The following SATL1 variants were observed in gnomAD, a reference collection of about 807,000 sequenced individuals.
The protein encoded by SATL1 is spermidine/spermine N(1)-acetyltransferase-like protein 1.
SATL1 carries 47 observed loss-of-function variants against 51.8 expected under a neutral mutation model. That is an observed-to-expected ratio of 0.91 (90% confidence interval 0.72 to 1.16). SATL1 has a LOEUF of 1.16. Ranked by LOEUF, SATL1 falls within the 50% of genes most tolerant of loss-of-function variation. The pLI is 0.00. For synonymous variants in SATL1, 176 were observed against 182.4 expected (o/e 0.97, Z 0.28); for missense variants, 520 against 526.4 (o/e 0.99, Z 0.12).
Position 85,177,341 on chromosome X carries a change from C to T in SATL1, c.-313+46864G>A, listed in dbSNP as rs749569341. 1.9e-3 allele frequency among the ~76,000 whole-genome samples: 216 copies of T among 111,918 alleles called. 2 individuals are homozygous for T. Among genetic ancestry groups the T allele is most frequent in the Non-Finnish European group, 2.9e-3 (154 of 53,000 alleles). On this transcript the variant is annotated intron_variant, in intron 2 of 7. Coordinates refer to ENST00000644105, the MANE Select transcript of SATL1 (RefSeq NM_001367857.2). ...GCTGAGTCAAAGTAATATGAGAACTCACTGTACTATTTTTGCAACTTTTTT... is the reference window on the plus strand; with the variant it reads ...GCTGAGTCAAAGTAATATGAGAACTTACTGTACTATTTTTGCAACTTTTTT...
chrX:85,227,508 A>G (rs1267140613), intron 1 of SATL1, among the ~76,000 whole-genome samples: 4 of 112,136 alleles, frequency 3.6e-5, no homozygotes, highest in Non-Finnish European at 7.5e-5. Context: ...GTGCCTCTTG[A>G]TAGAAGTATA....
At chrX:85,177,332 A>G (rs1359682778) in intron 2 of SATL1, among the ~76,000 whole-genome samples, 2 of 112,105 alleles carry the variant, frequency 1.8e-5, no homozygotes, top group African/African-American at 6.5e-5. Flanking sequence ...TCAAAGTAAT[A>G]TGAGAACTCA....
chrX:85,178,611 CAA>C (rs60561678), intron 2 of SATL1, among the ~76,000 whole-genome samples: 3,864 of 50,221 alleles, frequency 0.077, 180 homozygotes, highest in African/African-American at 0.16. Flanking sequence ...ACAAAATGCT[CAA>C]AAAAAAAAAA....
chrX:85,176,143 A>G (rs1265334894), intron 2 of SATL1, among the ~76,000 whole-genome samples: 1 of 112,040 alleles, frequency 8.9e-6, no homozygotes, highest in African/African-American at 3.2e-5. Context: ...GGAAACTCAA[A>G]TGGATCTTAT....
chrX:85,183,841 T>C (rs1927258618), intron 2 of SATL1, among the ~76,000 whole-genome samples: 1 of 111,449 alleles, frequency 9.0e-6, no homozygotes, highest in Non-Finnish European at 1.9e-5. Flanking sequence ...TAAGTTATTG[T>C]TGACTGTAGC....
intron 4 of SATL1, among the ~76,000 whole-genome samples, chrX:85,101,616 T>C (rs900494835): frequency 1.6e-4 from 18 of 111,594 alleles, no homozygotes; most frequent in Admixed American, 5.7e-4. Context: ...TGGAAAACAG[T>C]ATGGAAGCTC....
intron 2 of SATL1, among the ~76,000 whole-genome samples, chrX:85,130,117 T>A (rs67829114): frequency 0.14 from 16,105 of 111,130 alleles, 1,268 homozygotes; most frequent in African/African-American, 0.29. Flanking sequence ...CTTTTTTTGT[T>A]GTATCTCTGC....
intron 2 of SATL1, among the ~76,000 whole-genome samples, chrX:85,215,874 A>G (rs982421869): frequency 3.6e-5 from 4 of 112,493 alleles, no homozygotes; most frequent in African/African-American, 1.3e-4. Flanking sequence ...ACTTCTGCCC[A>G]TTAGCCAGTT....
chrX:85,113,753 T>C (rs1363868586), intron 2 of SATL1, among the ~76,000 whole-genome samples: 43 of 112,238 alleles, frequency 3.8e-4, no homozygotes, highest in Admixed American at 3.8e-3. Flanking sequence ...CCTTTTAAAA[T>C]TGGCTTTGAT....
intron 2 of SATL1, among the ~76,000 whole-genome samples, chrX:85,138,233 A>C: frequency 8.9e-6 from 1 of 111,886 alleles, no homozygotes; most frequent in Non-Finnish European, 1.9e-5. Context: ...TATCAGATAA[A>C]AGGAGTGTGA....
Position 85,093,186 on chromosome X carries a change from T to A in SATL1, c.1916A>T (p.Gln639Leu). ...IGAEMLKRLS[Q>L]IAITTQCNCM... ...ATCAATACTAATTGTAATACATACC[T>A]GACTTAGCCTCTTCAGCATTTCAGC... Residue 639 changes from glutamine to leucine, a missense_variant and splice_region_variant, in exon 7 of 8, where the codon CAG becomes CTG. This residue lies in a region of SATL1 where 488 missense variants were observed against 474.3 expected (regional missense o/e 1.03). Coordinates refer to ENST00000644105, the MANE Select transcript of SATL1 (RefSeq NM_001367857.2). 8.6e-7 allele frequency: 1 copy of A among 1,162,551 alleles called. No individual in the cohort carries two copies. The highest frequency in any genetic ancestry group is 3.3e-5 in the East Asian group (1 of 30,654).
chrX:85,208,482 T>G (rs1434380331), intron 2 of SATL1, among the ~76,000 whole-genome samples: 1 of 111,811 alleles, frequency 8.9e-6, no homozygotes, highest in South Asian at 3.8e-4. Flanking sequence ...CCACACTGTC[T>G]TCCACAATGG....
At chrX:85,175,509 G>A (rs1189334573) in intron 2 of SATL1, among the ~76,000 whole-genome samples, 3 of 111,009 alleles carry the variant, frequency 2.7e-5, no homozygotes, top group South Asian at 7.6e-4. Context: ...AAGACATGAG[G>A]AAACTGTAAT....
intron 2 of SATL1, among the ~76,000 whole-genome samples, chrX:85,123,304 C>T (rs1009999987): frequency 6.3e-5 from 7 of 111,328 alleles, no homozygotes; most frequent in African/African-American, 2.3e-4. Context: ...TCCTTTCCCC[C>T]ACAACCTCAC....
In SATL1 at chrX:85,107,651, C is replaced by T; in HGVS notation, c.1318G>A (p.Gly440Ser). ...TGGCTCATGCCTGGTTGCCACATGC[C>T]TCGTTGCCACATGCCTGGTGGACTC... ...NKSPPGMWQR[G>S]MWQPGMSQQV... The change falls in exon 3 of 8, where the codon GGC becomes AGC. Residue 440 changes from glycine to serine, a missense_variant. This residue lies in a region of SATL1 where 488 missense variants were observed against 474.3 expected (regional missense o/e 1.03). Coordinates refer to ENST00000644105, the MANE Select transcript of SATL1 (RefSeq NM_001367857.2). The T allele has an allele frequency of 8.3e-7, 1 of 1,211,803 alleles. No homozygotes were observed. The highest frequency in any genetic ancestry group is 1.1e-6 in the Non-Finnish European group (1 of 895,570).
At chrX:85,123,592 A>G (rs911911744) in intron 2 of SATL1, among the ~76,000 whole-genome samples, 1 of 111,419 alleles carries the variant, frequency 9.0e-6, no homozygotes, top group Non-Finnish European at 1.9e-5. Flanking sequence ...TAGTTTGCAA[A>G]TATTTTCTCC....
intron 2 of SATL1, among the ~76,000 whole-genome samples, chrX:85,155,405 T>C (rs1165211176): frequency 9.0e-6 from 1 of 111,325 alleles, no homozygotes; most frequent in Non-Finnish European, 1.9e-5. Flanking sequence ...TAGCCCCTAT[T>C]TCCTCCTTTA....
intron 2 of SATL1, among the ~76,000 whole-genome samples, chrX:85,170,178 T>C (rs1252765149): frequency 9.0e-6 from 1 of 111,143 alleles, no homozygotes; most frequent in Non-Finnish European, 1.9e-5. Flanking sequence ...TAACGGGTAC[T>C]AGGCTTAATA....
chrX:85,154,184 C>T (rs780828576), intron 2 of SATL1, among the ~76,000 whole-genome samples: 9 of 111,455 alleles, frequency 8.1e-5, no homozygotes, highest in African/African-American at 2.9e-4. Context: ...AACTGTCCTA[C>T]TTCAGTGTTT....
Sources: allele counts gnomAD v4.1 joint callset (sites outside exome capture counted in the v4.1 genomes callset), GRCh38; gene constraint gnomAD v4.1.1; regional missense constraint gnomAD v4.1.1; transcripts MANE v1.5; gene names NCBI Gene and HGNC (gene_info 2026-07-23, HGNC 2026-07-21).